Variants in ERBB4 observed in about 807,000 individuals in gnomAD.
ERBB4 encodes the protein erb-b2 receptor tyrosine kinase 4.
A neutral mutation model predicts 158.0 loss-of-function variants in ERBB4; 42 were observed. The ratio of observed to expected loss-of-function variants is 0.27; its 90% CI spans 0.21 to 0.34. ERBB4 has a LOEUF of 0.34. Ranked by LOEUF, ERBB4 falls within the 10% of genes least tolerant of loss-of-function variation. ERBB4 has a pLI of 1.00. For synonymous variants in ERBB4, 583 were observed against 558.7 expected (o/e 1.04, Z -0.61); for missense variants, 1,333 against 1,624.1 (o/e 0.82, Z 3.08).
chr2:212,204,811 GA>G (rs2082694372), intron 1 of ERBB4, among the ~76,000 whole-genome samples: 1 of 135,350 alleles, frequency 7.4e-6, no homozygotes, highest in Non-Finnish European at 1.6e-5. Context: ...TTATTTATAT[GA>G]AAACTTTTTT....
At chr2:212,382,245 T>C (rs2090528311) in intron 1 of ERBB4, among the ~76,000 whole-genome samples, 1 of 149,710 alleles carries the variant, frequency 6.7e-6, no homozygotes, top group South Asian at 2.1e-4. Flanking sequence ...ATACACATTA[T>C]ATATTTACTA....
chr2:211,987,290 C>A (rs2081961720), intron 2 of ERBB4, among the ~76,000 whole-genome samples: 1 of 123,568 alleles, frequency 8.1e-6, no homozygotes, highest in Non-Finnish European at 1.6e-5. Context: ...CACTATACTC[C>A]AGCCTGGGTG....
rs1574495861 is a variant in ERBB4, at chr2:211,379,785, C to T, written c.*3830G>A. ...ACAATTACAGATGGATGAATAATTC[C>T]AGTTTTGAAATAAAGGTTAGAGAGC... On this transcript the variant is annotated 3_prime_UTR_variant, in exon 28 of 28. Coordinates refer to ENST00000342788, the MANE Select transcript of ERBB4 (RefSeq NM_005235.3). The T allele has an allele frequency of 1.7e-5, 4 of 231,816 alleles. No individual in the cohort carries two copies. The highest frequency in any genetic ancestry group is 8.8e-5 in the African/African-American group (4 of 45,224). 14.4% of individuals were successfully genotyped at this position (231,816 alleles called of 1,614,324 possible).
intron 1 of ERBB4, among the ~76,000 whole-genome samples, chr2:212,142,649 A>G (rs113110487): frequency 6.7e-6 from 1 of 148,814 alleles, no homozygotes; most frequent in Non-Finnish European, 1.5e-5. Flanking sequence ...CCTCAATTAT[A>G]TAGTTATATA....
intron 2 of ERBB4, among the ~76,000 whole-genome samples, chr2:211,986,016 C>A (rs2125241847): frequency 6.6e-6 from 1 of 152,248 alleles, no homozygotes; most frequent in Non-Finnish European, 1.5e-5. Flanking sequence ...GGGCCTCCAT[C>A]CAGTGATTTA....
intron 19 of ERBB4, among the ~76,000 whole-genome samples, chr2:211,590,726 G>A (rs1001113962): frequency 6.6e-6 from 1 of 152,136 alleles, no homozygotes; most frequent in Non-Finnish European, 1.5e-5. Flanking sequence ...CTGGCTCTGC[G>A]TTAATTACTC....
chr2:211,802,420 T>C (rs545974496), intron 3 of ERBB4, among the ~76,000 whole-genome samples: 13 of 152,192 alleles, frequency 8.5e-5, no homozygotes, highest in Admixed American at 4.6e-4. Flanking sequence ...AGCTATAATA[T>C]TTTGAGAACT....
intron 3 of ERBB4, among the ~76,000 whole-genome samples, chr2:211,915,331 A>G (rs948666619): frequency 6.6e-6 from 1 of 151,948 alleles, no homozygotes; most frequent in Non-Finnish European, 1.5e-5. Flanking sequence ...TATTCCCTTC[A>G]ATAACAATCT....
chr2:212,431,418 C>T (rs1200673906), intron 1 of ERBB4, among the ~76,000 whole-genome samples: 2 of 150,304 alleles, frequency 1.3e-5, no homozygotes, highest in African/African-American at 2.4e-5. Context: ...CCCTTTAAAA[C>T]GTATACAGAA....
In ERBB4 at chr2:212,485,509, T is replaced by C. The variant is rs796392877; in HGVS notation, c.82+52940A>G. ...AAATGAACTAACCAGAAAGAGAATA[T>C]AGAAACTGGATGACAGCAGCAGTAA... On this transcript the variant is annotated intron_variant, in intron 1 of 27. Transcript: ENST00000342788. Among the ~76,000 whole-genome samples, 20 of 152,224 alleles carry C rather than the reference T, an allele frequency of 1.3e-4. 1 individual carries two copies. The highest frequency in any genetic ancestry group is 4.1e-4 in the African/African-American group (17 of 41,552).
intron 1 of ERBB4, among the ~76,000 whole-genome samples, chr2:212,375,511 A>G (rs993433966): frequency 6.6e-6 from 1 of 152,086 alleles, no homozygotes; most frequent in African/African-American, 2.4e-5. Flanking sequence ...AGTTACATCA[A>G]TAGCAAGTTG....
intron 3 of ERBB4, among the ~76,000 whole-genome samples, chr2:211,877,945 T>C (rs2078553468): frequency 6.6e-6 from 1 of 152,042 alleles, no homozygotes; most frequent in South Asian, 2.1e-4. Context: ...TCGTCTCTAC[T>C]AAAAATCCAA....
intron 19 of ERBB4, among the ~76,000 whole-genome samples, chr2:211,567,431 A>G (rs1045216591): frequency 8.5e-5 from 13 of 152,186 alleles, no homozygotes; most frequent in African/African-American, 2.9e-4. Context: ...AACTGTCATC[A>G]CTTTACAATG....
chr2:212,290,921 C>G (rs1319748659), intron 1 of ERBB4, among the ~76,000 whole-genome samples: 2 of 151,986 alleles, frequency 1.3e-5, no homozygotes, highest in Non-Finnish European at 2.9e-5. Flanking sequence ...AACACAGCCA[C>G]AATGATTGTG....
At position 211,605,091 on chromosome 2, in the gene ERBB4, C is replaced by T. The variant is rs374945968; in HGVS notation, c.2301+14086G>A. ...TATTACCATGATGAATGGAAGAAAA[C>T]GTATTCAACACACTTGGATCACAGT... is the stretch of plus-strand genomic sequence containing the variant. On this transcript the variant is annotated intron_variant, in intron 19 of 27. Coordinates refer to ENST00000342788, the MANE Select transcript of ERBB4 (RefSeq NM_005235.3). Among the ~76,000 whole-genome samples, 16 of 152,152 alleles carry T rather than the reference C, an allele frequency of 1.1e-4. No individual in the cohort carries two copies. The East Asian group carries it at 2.9e-3, about 28-fold the overall frequency.
chr2:211,445,036 AT>A, intron 20 of ERBB4, among the ~76,000 whole-genome samples: 1 of 152,278 alleles, frequency 6.6e-6, no homozygotes, highest in East Asian at 1.9e-4. Flanking sequence ...CTAAAAGGTA[AT>A]GGTATATTTA....
chr2:212,391,710 ATTG>A, intron 1 of ERBB4, among the ~76,000 whole-genome samples: 1 of 133,918 alleles, frequency 7.5e-6, no homozygotes, highest in African/African-American at 3.0e-5. Flanking sequence ...TATTATATAT[ATTG>A]ACATATATAT....
intron 20 of ERBB4, among the ~76,000 whole-genome samples, chr2:211,462,911 A>G (rs1310458439): frequency 6.6e-6 from 1 of 152,186 alleles, no homozygotes; most frequent in Non-Finnish European, 1.5e-5. Context: ...TTTTTCACTC[A>G]ACAAGAAAAA....
intron 3 of ERBB4, among the ~76,000 whole-genome samples, chr2:211,800,679 A>C (rs1360037684): frequency 7.0e-6 from 1 of 142,028 alleles, no homozygotes; most frequent in African/African-American, 2.7e-5. Flanking sequence ...AAAAAAAAAA[A>C]ACCTCTTGGC....
Sources: allele counts gnomAD v4.1 joint callset (sites outside exome capture counted in the v4.1 genomes callset), GRCh38; gene constraint gnomAD v4.1.1; transcripts MANE v1.5; gene names NCBI Gene and HGNC (gene_info 2026-07-23, HGNC 2026-07-21).